STAU2: variants seen among roughly 807,000 people sequenced by gnomAD.
STAU2 encodes staufen double-stranded RNA binding protein 2, also known as double-stranded RNA-binding protein Staufen homolog 2.
In STAU2, 20 loss-of-function variants were observed where a neutral mutation model predicts 65.9. That is an observed-to-expected ratio of 0.30 (90% CI 0.21 to 0.44). The LOEUF is 0.44. Ranked by LOEUF, STAU2 falls within the 20% of genes least tolerant of loss-of-function variation. The pLI, the probability that STAU2 is intolerant of heterozygous loss-of-function variation, is 1.00. For missense variants in STAU2, 558 were observed against 683.9 expected, an observed-to-expected ratio of 0.82 and a Z score of 2.05; for synonymous variants, 232 against 233.9, an observed-to-expected ratio of 0.99 and a Z score of 0.07.
intron 13 of STAU2, among the ~76,000 whole-genome samples, chr8:73,509,309 C>G (rs2011379108): frequency 6.6e-6 from 1 of 152,108 alleles, no homozygotes; most frequent in Non-Finnish European, 1.5e-5. Context: ...GGTGAACTGT[C>G]TGTTCATATC....
At chr8:73,481,528 A>AAC (rs1554595570) in intron 13 of STAU2, among the ~76,000 whole-genome samples, 2 of 145,448 alleles carry the variant, frequency 1.4e-5, no homozygotes, top group Non-Finnish European at 1.5e-5. Flanking sequence ...AAAAAAAAAA[A>AAC]CACTTTTTTT....
intron 3 of STAU2, chr8:73,732,828 C>T (rs1158514106): frequency 6.6e-6 from 1 of 152,250 alleles, no homozygotes; most frequent in African/African-American, 2.4e-5. Context: ...TCCTTTCCCA[C>T]CAATTTCCAG....
intron 13 of STAU2, among the ~76,000 whole-genome samples, chr8:73,432,172 G>A (rs1473421628): frequency 6.6e-6 from 1 of 152,138 alleles, no homozygotes; most frequent in Non-Finnish European, 1.5e-5. Flanking sequence ...TCAAAGTTTG[G>A]TTTGTTTTGC....
chr8:73,569,577 C>T (rs890476977), intron 12 of STAU2, among the ~76,000 whole-genome samples: 1 of 151,688 alleles, frequency 6.6e-6, no homozygotes, highest in African/African-American at 2.4e-5. Context: ...CTGACTGACA[C>T]CTCATACAGC....
chr8:73,522,425 C>T (rs1823090055), intron 13 of STAU2, among the ~76,000 whole-genome samples: 1 of 152,084 alleles, frequency 6.6e-6, no homozygotes, highest in Non-Finnish European at 1.5e-5. Context: ...AACCAACTTC[C>T]AAATAGGATA....
chr8:73,739,352 T>C lies in STAU2; in HGVS notation c.-84+404A>G, dbSNP rs966173700. 2.0e-5 allele frequency among the ~76,000 whole-genome samples: 3 copies of C among 151,440 alleles called. No homozygotes were observed. In the South Asian group the frequency reaches 6.2e-4, roughly 31 times the overall value. Reference sequence around the variant, plus strand: ...AATGAAAAAAAGTTTATATAAAATATAAATTATATACAGACCTCTCCCCTA... The same window carrying C: ...AATGAAAAAAAGTTTATATAAAATACAAATTATATACAGACCTCTCCCCTA... On this transcript the variant is annotated intron_variant, in intron 2 of 14. Coordinates refer to ENST00000524300, the MANE Select transcript of STAU2 (RefSeq NM_001164380.2).
At chr8:73,435,652 T>C (rs71527211) in intron 13 of STAU2, among the ~76,000 whole-genome samples, 6,513 of 152,040 alleles carry the variant, frequency 0.043, 216 homozygotes, top group South Asian at 0.096. Context: ...TCCTGCCCCA[T>C]AATTTACCTC....
At chr8:73,594,252 C>T (rs1811025568) in intron 11 of STAU2, among the ~76,000 whole-genome samples, 1 of 152,140 alleles carries the variant, frequency 6.6e-6, no homozygotes, top group African/African-American at 2.4e-5. Context: ...CAATAATACA[C>T]AGACAAAGAT....
chr8:73,552,564 T>C (rs1454834257), intron 12 of STAU2, among the ~76,000 whole-genome samples: 4 of 152,156 alleles, frequency 2.6e-5, no homozygotes, highest in Non-Finnish European at 4.4e-5. Context: ...ATGGGACTTA[T>C]GTGTAGTAGT....
chr8:73,558,401 T>C (rs1807945163), intron 12 of STAU2, among the ~76,000 whole-genome samples: 2 of 152,222 alleles, frequency 1.3e-5, no homozygotes, highest in South Asian at 4.1e-4. Flanking sequence ...ACTTGACATG[T>C]TTTTGCTCAG....
chr8:73,611,311 A>G (rs1812439736), intron 9 of STAU2, among the ~76,000 whole-genome samples: 1 of 152,200 alleles, frequency 6.6e-6, no homozygotes, highest in Non-Finnish European at 1.5e-5. Context: ...TTATTTTAAC[A>G]TAAGACAGAC....
chr8:73,532,425 C>T (rs1256421946), intron 13 of STAU2, among the ~76,000 whole-genome samples: 1 of 152,064 alleles, frequency 6.6e-6, no homozygotes, highest in Non-Finnish European at 1.5e-5. Flanking sequence ...TGGTGGCTCA[C>T]ACCTGTAATC....
intron 6 of STAU2, among the ~76,000 whole-genome samples, chr8:73,640,763 A>G (rs1248241020): frequency 6.6e-6 from 1 of 152,212 alleles, no homozygotes; most frequent in Admixed American, 6.5e-5. Flanking sequence ...CTAGAAATAC[A>G]TGAAAAGTAG....
intron 13 of STAU2, among the ~76,000 whole-genome samples, chr8:73,465,086 C>T (rs187447841): frequency 5.9e-5 from 9 of 152,304 alleles, no homozygotes; most frequent in Admixed American, 2.0e-4. Context: ...TTTAGACAGT[C>T]TTGCTTATCA....
At chr8:73,439,441 A>T (rs1287298698) in intron 13 of STAU2, among the ~76,000 whole-genome samples, 1 of 152,134 alleles carries the variant, frequency 6.6e-6, no homozygotes, top group Non-Finnish European at 1.5e-5. Context: ...ACATGGTGAA[A>T]CCCCATCTCT....
chr8:73,636,862 CAAA>C (rs202084863), intron 6 of STAU2, among the ~76,000 whole-genome samples: 2 of 85,748 alleles, frequency 2.3e-5, no homozygotes, highest in Non-Finnish European at 2.4e-5. Context: ...ACTCTGTATT[CAAA>C]AAAAAAAAAA....
chr8:73,494,836 G>A (rs753387738), intron 13 of STAU2, among the ~76,000 whole-genome samples: 1 of 151,360 alleles, frequency 6.6e-6, no homozygotes, highest in Non-Finnish European at 1.5e-5. Flanking sequence ...AAATTTTAAC[G>A]GAAGTTTTGT....
At chr8:73,630,419 A>G (rs1218181287) in intron 6 of STAU2, among the ~76,000 whole-genome samples, 2 of 152,256 alleles carry the variant, frequency 1.3e-5, no homozygotes, top group African/African-American at 4.8e-5. Flanking sequence ...ACTACCACAC[A>G]TAGGAAGAGG....
intron 13 of STAU2, among the ~76,000 whole-genome samples, chr8:73,486,658 T>TATATA (rs1491264449): frequency 5.9e-5 from 2 of 34,154 alleles, no homozygotes; most frequent in African/African-American, 1.2e-4. Flanking sequence ...TATATATATA[T>TATATA]TTTTTTTTTT....
Sources: gnomAD v4.1 joint callset for allele counts (sites outside exome capture counted in the v4.1 genomes callset) on GRCh38, gnomAD v4.1.1 for gene constraint, MANE v1.5 for transcripts, NCBI Gene and HGNC (gene_info 2026-07-23, HGNC 2026-07-21) for gene names.